MANSC4: variants seen among roughly 807,000 people sequenced by gnomAD.
The protein encoded by MANSC4 is MANSC domain containing 4.
MANSC4 carries 11 observed loss-of-function variants against 11.4 expected under a neutral mutation model. That is an observed-to-expected ratio of 0.97 (90% CI 0.61 to 1.60). The LOEUF (loss-of-function observed/expected upper bound fraction) is 1.60, where lower values mean the gene tolerates loss of function less well. Ranked by LOEUF, MANSC4 falls within the 40% of genes most tolerant of loss-of-function variation. MANSC4 has a pLI of 0.00. For missense variants in MANSC4, 354 were observed against 404.6 expected, an observed-to-expected ratio of 0.88 and a Z score of 1.07; for synonymous variants, 123 against 147.1, an observed-to-expected ratio of 0.84 and a Z score of 1.19.
At position 27,762,854 on chromosome 12, in the gene MANSC4, CTA is replaced by C. The variant is rs1565475330; in HGVS notation, c.905_906del (p.Ile302SerfsTer16). The C allele has an allele frequency of 6.4e-7, 1 of 1,551,998 alleles. No individual in the cohort carries two copies. The highest frequency in any genetic ancestry group is 1.2e-5 in the South Asian group (1 of 84,058). On this transcript the variant is annotated frameshift_variant, in exon 4 of 4. Transcript: ENST00000381273. LOFTEE classifies it low-confidence loss of function (END_TRUNC). ...CTSVIFLGCCIVILASGCCGK... is the reference protein window; with the variant it reads ...CTSVIFLGCCXVILASGCCGK... ...CCACAGCATCCAGATGCCAGGATGA[CTA>C]TACAACAGCCGAGAAAGATGACAGA...
rs1489197547 is a variant in MANSC4, at chr12:27,771,119, G to C, written c.158C>G (p.Ala53Gly). Reference sequence around the variant, plus strand: ...TTCAGAATAATACTTCAAGAACTGGGCTCCCAGCTTCTGAGACTCCTCCAG... The same window carrying C: ...TTCAGAATAATACTTCAAGAACTGGCCTCCCAGCTTCTGAGACTCCTCCAG... Reference protein sequence around the residue: ...INLEESQKLGAQFLKYYSEST... With the variant: ...INLEESQKLGGQFLKYYSEST... Residue 53 changes from alanine to glycine, a missense_variant, in exon 2 of 4, where the codon GCC becomes GGC. Transcript: ENST00000381273. 1.3e-6 allele frequency: 2 copies of C among 1,551,768 alleles called. No homozygotes were observed. Among genetic ancestry groups the C allele is most frequent in the Non-Finnish European group, 1.7e-6 (2 of 1,147,016 alleles).
At chr12:27,765,588 T>A (rs180838147) in intron 3 of MANSC4, among the ~76,000 whole-genome samples, 4 of 152,332 alleles carry the variant, frequency 2.6e-5, no homozygotes, top group African/African-American at 9.6e-5. Flanking sequence ...TACGCTGACT[T>A]TCACTAGCCT....
At chr12:27,775,331 C>G (rs922475903) in intron 1 of MANSC4, among the ~76,000 whole-genome samples, 3 of 152,132 alleles carry the variant, frequency 2.0e-5, no homozygotes, top group Admixed American at 6.5e-5. Context: ...AATCCCAACA[C>G]TTTCTAAGGT....
chr12:27,762,698 A>C lies in MANSC4; in HGVS notation c.*40T>G. On this transcript the variant is annotated 3_prime_UTR_variant, in exon 4 of 4. Transcript: ENST00000381273. ...TGCGTTTTCTTACACAAAACTAAAA[A>C]TGATATCCTTGAAAGCATATAATCT... 6.9e-7 allele frequency: 1 copy of C among 1,442,614 alleles called. No homozygotes were observed. Among genetic ancestry groups the C allele is most frequent in the Non-Finnish European group, 9.1e-7 (1 of 1,093,400 alleles). The allele number at this position is 1,442,614 out of a possible 1,614,324, so 89.4% of individuals were successfully genotyped here. A position where few individuals can be genotyped will look rare whatever the true frequency, so the allele number is the denominator to read the frequency against.
rs1191781791 is a variant in MANSC4 at position 27,766,786 on chromosome 12, C to A, written c.243G>T (p.Leu81=). 6.4e-7 allele frequency: 1 copy of A among 1,551,078 alleles called. No individual in the cohort carries two copies. The highest frequency in any genetic ancestry group is 1.2e-5 in the South Asian group (1 of 83,790). The change falls in exon 3 of 4, where the codon CTG becomes CTT. Residue 81 remains leucine (L), a synonymous_variant. Coordinates refer to ENST00000381273, the MANE Select transcript of MANSC4 (RefSeq NM_001146221.5). ...GAATAGGACTGTGGTAGAAGACAGC[C>A]AGGTTACAGGAAACTGAAAGGGAAA... ...CCLRKDVSCN[L]AVFYHSPIHD...
chr12:27,771,303 G>A lies in MANSC4; in HGVS notation c.-27C>T, dbSNP rs2062099999. The A allele has an allele frequency of 6.5e-7, 1 of 1,533,414 alleles. No individual in the cohort carries two copies. The highest frequency in any genetic ancestry group is 1.4e-5 in the African/African-American group (1 of 72,564). 95.0% of individuals were successfully genotyped at this position (1,533,414 alleles called of 1,614,324 possible). On this transcript the variant is annotated 5_prime_UTR_variant, in exon 2 of 4. Transcript: ENST00000381273. ...TTTCCTGTATGAAGGAAGACTCGAA[G>A]ATAAGTCTGATTTCCAGACAGAAGC... is the stretch of plus-strand genomic sequence containing the variant.
chr12:27,778,527 A>G (rs2062128385), intron 1 of MANSC4, among the ~76,000 whole-genome samples: 1 of 152,046 alleles, frequency 6.6e-6, no homozygotes, highest in Admixed American at 6.6e-5. Context: ...ATTATTTAAC[A>G]ATCTGTCATT....
At chr12:27,763,945 C>T (rs1464108816) in intron 3 of MANSC4, among the ~76,000 whole-genome samples, 3 of 152,082 alleles carry the variant, frequency 2.0e-5, no homozygotes, top group South Asian at 2.1e-4. Flanking sequence ...GTTGCCCAGG[C>T]TGGTCCCAAA....
chr12:27,768,993 G>C (rs1450228178), intron 2 of MANSC4, among the ~76,000 whole-genome samples: 1 of 152,118 alleles, frequency 6.6e-6, no homozygotes, highest in South Asian at 2.1e-4. Context: ...CTCAAAGCAT[G>C]CCTAAAGCTG....
In MANSC4 at chr12:27,767,671, T is replaced by A. The variant is rs188769879; in HGVS notation, c.230-872A>T. Among the ~76,000 whole-genome samples the A allele has an allele frequency of 3.4e-3, 517 of 152,196 alleles. 2 individuals are homozygous for A. Among genetic ancestry groups the A allele is most frequent in the Non-Finnish European group, 4.6e-3 (315 of 68,014 alleles). On this transcript the variant is annotated intron_variant, in intron 2 of 3. Transcript: ENST00000381273. Reference sequence around the variant, plus strand: ...AAGATCACGCCATTGCACTCCAGACTGGGCAACAAGAGCGAAACTCCGTCT... The same window carrying A: ...AAGATCACGCCATTGCACTCCAGACAGGGCAACAAGAGCGAAACTCCGTCT...
chr12:27,771,149 A>T lies in MANSC4; in HGVS notation c.128T>A (p.Ile43Asn), dbSNP rs1467478893. The T allele has an allele frequency of 6.4e-7, 1 of 1,551,962 alleles. No individual in the cohort carries two copies. The highest frequency in any genetic ancestry group is 1.2e-5 in the South Asian group (1 of 84,064). Residue 43 changes from isoleucine (I) to asparagine (N), a missense_variant, in exon 2 of 4, where the codon ATC (isoleucine) becomes AAC (asparagine). Transcript: ENST00000381273. Reference protein sequence around the residue: ...CWIRRFPGLLINLEESQKLGA... With the variant: ...CWIRRFPGLLNNLEESQKLGA... ...CAGCTTCTGAGACTCCTCCAGATTG[A>T]TTAGAAGACCTGGGAAGCGACGGAT...
chr12:27,771,011 C>G, intron 2 of MANSC4, 37 bp downstream of exon 2: 1 of 1,483,640 alleles, frequency 6.7e-7, no homozygotes, highest in Non-Finnish European at 9.1e-7. Context: ...TTGGAAGTTT[C>G]TTCTTATTTT....
intron 3 of MANSC4, 134 bp downstream of exon 3, chr12:27,766,531 T>C: frequency 9.8e-7 from 1 of 1,017,626 alleles, no homozygotes; most frequent in South Asian, 1.8e-5. Context: ...ATATCCAAAA[T>C]TTTTCCCAAG....
In MANSC4 at chr12:27,771,323, A is replaced by G. The variant is rs1333177877; in HGVS notation, c.-47T>C. 1 of 1,499,216 alleles carries G rather than the reference A, an allele frequency of 6.7e-7. No individual in the cohort carries two copies. The highest frequency in any genetic ancestry group is 1.4e-5 in the African/African-American group (1 of 71,990). 92.9% of individuals were successfully genotyped at this position (1,499,216 alleles called of 1,614,324 possible). A position where few individuals can be genotyped will look rare whatever the true frequency, so the allele number is the denominator to read the frequency against. The stretch of plus-strand genomic sequence containing the variant: ...TCGAAGATAAGTCTGATTTCCAGAC[A>G]GAAGCTGAACACTGGAGTTTAGGAC... On this transcript the variant is annotated 5_prime_UTR_variant, in exon 2 of 4. Transcript: ENST00000381273.
intron 1 of MANSC4, among the ~76,000 whole-genome samples, chr12:27,773,784 C>CTACTTT: frequency 6.6e-6 from 1 of 152,308 alleles, no homozygotes; most frequent in Non-Finnish European, 1.5e-5. Flanking sequence ...AGACCATATA[C>CTACTTT]TACTTTTATC....
intron 1 of MANSC4, among the ~76,000 whole-genome samples, chr12:27,775,503 G>T (rs1231690386): frequency 6.6e-6 from 1 of 152,128 alleles, no homozygotes; most frequent in East Asian, 1.9e-4. Context: ...CTCCAACTTA[G>T]GCAACAGAGC....
intron 1 of MANSC4, among the ~76,000 whole-genome samples, chr12:27,776,760 T>TA (rs1565479208): frequency 6.6e-6 from 1 of 151,966 alleles, no homozygotes; most frequent in Non-Finnish European, 1.5e-5. Context: ...TCTAAAAAAA[T>TA]AAAAAATAAA....
At chr12:27,763,800 A>G (rs1015950860) in intron 3 of MANSC4, among the ~76,000 whole-genome samples, 9 of 152,008 alleles carry the variant, frequency 5.9e-5, no homozygotes, top group African/African-American at 1.2e-4. Context: ...GTATGGTCTC[A>G]GCTCACTGCA....
chr12:27,769,751 G>A (rs1012727811), intron 2 of MANSC4, among the ~76,000 whole-genome samples: 1 of 152,138 alleles, frequency 6.6e-6, no homozygotes, highest in African/African-American at 2.4e-5. Context: ...AGGTAATTGG[G>A]CAAGAGGCAT....
Sources: allele counts gnomAD v4.1 joint callset (sites outside exome capture counted in the v4.1 genomes callset), GRCh38; gene constraint gnomAD v4.1.1; transcripts MANE v1.5; gene names NCBI Gene and HGNC (gene_info 2026-07-23, HGNC 2026-07-21).